LARP1B: variants seen among roughly 807,000 people sequenced by gnomAD.
The protein encoded by LARP1B is la-related protein 1B.
LARP1B carries 76 observed loss-of-function variants against 114.2 expected under a neutral mutation model. That is an observed-to-expected ratio of 0.67 (90% CI 0.55 to 0.81). LARP1B has a LOEUF of 0.81. LARP1B is among the 30% of genes least tolerant of loss of function. The pLI, the probability that LARP1B is intolerant of heterozygous loss-of-function variation, is 0.00. For missense variants in LARP1B, 1,014 were observed against 1,075.8 expected, an observed-to-expected ratio of 0.94 and a Z score of 0.80; for synonymous variants, 345 against 348.0, an observed-to-expected ratio of 0.99 and a Z score of 0.10.
At position 128,129,348 on chromosome 4, in the gene LARP1B, CA is replaced by C. The variant is rs71587364; in HGVS notation, c.1524+7176del. On this transcript the variant is annotated intron_variant, in intron 11 of 19. Transcript: ENST00000326639. ...TGGGCGACAGAGCAAGACTCCGTCT[CA>C]AAAAAAAAAAAAAAAGGAATAAGTA... 9.7e-3 allele frequency among the ~76,000 whole-genome samples: 1,066 copies of C among 109,996 alleles called. 10 individuals carry two copies. The highest frequency in any genetic ancestry group is 0.033 in the African/African-American group (938 of 28,012). 72.2% of individuals were successfully genotyped at this position (109,996 alleles called of 152,430 possible).
chr4:128,118,615 C>G (rs530141121), intron 10 of LARP1B, among the ~76,000 whole-genome samples: 1 of 151,944 alleles, frequency 6.6e-6, no homozygotes, highest in Non-Finnish European at 1.5e-5. Context: ...CTTATTTCCA[C>G]TTTCTGGTAT....
chr4:128,214,403 G>C (rs1002572363), downstream of LARP1B, among the ~76,000 whole-genome samples: 1 of 148,190 alleles, frequency 6.7e-6, no homozygotes, highest in Admixed American at 6.8e-5. Context: ...AAGTGTCCCT[G>C]TCTGACAGCT....
intron 7 of LARP1B, chr4:128,093,030 A>G (rs1409000688): frequency 2.0e-6 from 2 of 985,270 alleles, no homozygotes; most frequent in African/African-American, 3.5e-5. Context: ...AGAGCCTCTA[A>G]GGTAGGACTT....
intron 1 of LARP1B, among the ~76,000 whole-genome samples, chr4:128,065,109 T>C (rs1313723075): frequency 3.9e-5 from 6 of 152,126 alleles, no homozygotes; most frequent in African/African-American, 9.7e-5. Context: ...ATTTCAGTTT[T>C]GCTGTTGTCT....
chr4:128,076,160 C>T lies in LARP1B; in HGVS notation c.42+1167C>T, dbSNP rs540902095. Among the ~76,000 whole-genome samples the T allele has an allele frequency of 1.6e-4, 24 of 152,188 alleles. No homozygotes were observed. In the East Asian group the frequency reaches 2.9e-3, roughly 18 times the overall value. On this transcript the variant is annotated intron_variant, in intron 3 of 19. Coordinates refer to ENST00000326639, the MANE Select transcript of LARP1B (RefSeq NM_018078.4). ...TCCTGAGTAGCTGGTATTACAGGCA[C>T]GCACCACCACATCTGGCTAATTTTT...
chr4:128,168,884 C>A (rs1467280919), intron 12 of LARP1B, among the ~76,000 whole-genome samples: 1 of 151,864 alleles, frequency 6.6e-6, no homozygotes, highest in Non-Finnish European at 1.5e-5. Flanking sequence ...AGAGTTTGTC[C>A]ACAATTGTTT....
chr4:128,157,087 C>T (rs1736121890), intron 11 of LARP1B, among the ~76,000 whole-genome samples: 1 of 151,648 alleles, frequency 6.6e-6, no homozygotes, highest in African/African-American at 2.4e-5. Flanking sequence ...GAAACAGACC[C>T]CTAGTGATCC....
chr4:128,163,034 CT>C (rs1739178611), intron 12 of LARP1B, among the ~76,000 whole-genome samples: 1 of 152,052 alleles, frequency 6.6e-6, no homozygotes, highest in African/African-American at 2.4e-5. Flanking sequence ...ATTATCATAT[CT>C]AAAATTAACA....
chr4:128,069,413 C>A, intron 1 of LARP1B: 2 of 761,390 alleles, frequency 2.6e-6, no homozygotes, highest in East Asian at 4.9e-5. Flanking sequence ...GAACTGGGTG[C>A]TTTCGGCCAC....
intron 4 of LARP1B, among the ~76,000 whole-genome samples, chr4:128,081,677 CCTT>C (rs1166931411): frequency 2.0e-5 from 3 of 152,052 alleles, no homozygotes; most frequent in Non-Finnish European, 4.4e-5. Context: ...AAAGAGCTGT[CCTT>C]CTTTAGACTA....
chr4:128,189,664 A>G (rs563998505), intron 15 of LARP1B, among the ~76,000 whole-genome samples: 3 of 152,118 alleles, frequency 2.0e-5, no homozygotes, highest in South Asian at 4.1e-4. Flanking sequence ...GTTTTAATTC[A>G]TTGCTTTTTA....
At chr4:128,101,482 T>C (rs1416533799) in intron 8 of LARP1B, among the ~76,000 whole-genome samples, 1 of 151,986 alleles carries the variant, frequency 6.6e-6, no homozygotes, top group Admixed American at 6.6e-5. Flanking sequence ...AAATAATTAC[T>C]GTAAGCAATG....
chr4:128,197,341 T>C (rs1754509767), intron 15 of LARP1B, among the ~76,000 whole-genome samples: 1 of 152,246 alleles, frequency 6.6e-6, no homozygotes, highest in Non-Finnish European at 1.5e-5. Flanking sequence ...TTTTCATTTT[T>C]GCTTGAAAGC....
intron 1 of LARP1B, among the ~76,000 whole-genome samples, chr4:128,065,257 C>A (rs73847094): frequency 0.29 from 25,437 of 88,046 alleles, 2,655 homozygotes; most frequent in East Asian, 0.34. Flanking sequence ...CAATTAATTT[C>A]TTTCTTTCTT....
chr4:128,213,163 C>A (rs1218996208), downstream of LARP1B, among the ~76,000 whole-genome samples: 5 of 152,214 alleles, frequency 3.3e-5, no homozygotes, highest in Middle Eastern at 6.8e-3. Context: ...GGTGATCCAC[C>A]TTGGCCTCCC....
At chr4:128,074,417 T>C (rs1767010323) in intron 1 of LARP1B, 43 bp from the exon 2 acceptor site, 1 of 336,734 alleles carries the variant, frequency 3.0e-6, no homozygotes. Flanking sequence ...TTGAATTTAT[T>C]GAATGAAGTA....
intron 8 of LARP1B, among the ~76,000 whole-genome samples, chr4:128,103,387 A>G (rs946104971): frequency 3.9e-5 from 6 of 152,156 alleles, no homozygotes; most frequent in Admixed American, 1.3e-4. Context: ...AGGAAAAAAA[A>G]GGTATATGGT....
chr4:128,211,607 A>T lies in LARP1B; in HGVS notation c.*1554A>T, dbSNP rs1402336979. The T allele has an allele frequency of 1.0e-6, 1 of 965,514 alleles. No individual in the cohort carries two copies. The highest frequency in any genetic ancestry group is 1.8e-5 in the African/African-American group (1 of 56,766). The allele number at this position is 965,514 out of a possible 1,614,324, so 59.8% of individuals were successfully genotyped here. The stretch of plus-strand genomic sequence containing the variant: ...GGGTGCAAAACAAGCAATGGGTTAG[A>T]ATAATAGATCTTCAAGTCTTTTCTT... On this transcript the variant is annotated 3_prime_UTR_variant, in exon 20 of 20. Transcript: ENST00000326639.
At chr4:128,086,009 C>CTTTTTTTT (rs143345158) in intron 5 of LARP1B, among the ~76,000 whole-genome samples, 1 of 91,272 alleles carries the variant, frequency 1.1e-5, no homozygotes, top group African/African-American at 4.2e-5. Context: ...TCATGGTATT[C>CTTTTTTTT]TTTTTTTTTT....
Sources: gnomAD v4.1 joint callset for allele counts (sites outside exome capture counted in the v4.1 genomes callset) on GRCh38, gnomAD v4.1.1 for gene constraint, MANE v1.5 for transcripts, NCBI Gene and HGNC (gene_info 2026-07-23, HGNC 2026-07-21) for gene names.